DEK: variants seen among roughly 807,000 people sequenced by gnomAD.
The protein encoded by DEK is protein DEK.
A neutral mutation model predicts 46.8 loss-of-function variants in DEK; 28 were observed. The ratio of observed to expected loss-of-function variants is 0.60; its 90% CI spans 0.44 to 0.82. The LOEUF is 0.82. Ranked by LOEUF, DEK falls within the 40% of genes least tolerant of loss-of-function variation. The probability of loss-of-function intolerance (pLI) is 0.00; values close to 1 mark genes in which losing one functional copy is unlikely to be tolerated. For missense variants in DEK, 416 were observed against 430.6 expected, an observed-to-expected ratio of 0.97 and a Z score of 0.30; for synonymous variants, 160 against 144.5, an observed-to-expected ratio of 1.11 and a Z score of -0.77.
At chr6:18,240,060 A>G (rs1790836797) in intron 7 of DEK, among the ~76,000 whole-genome samples, 2 of 152,236 alleles carry the variant, frequency 1.3e-5, no homozygotes, top group African/African-American at 4.8e-5. Flanking sequence ...TCAGAATTAG[A>G]TAACTAAAAT....
At chr6:18,239,184 A>C (rs922529450) in intron 7 of DEK, among the ~76,000 whole-genome samples, 1 of 152,082 alleles carries the variant, frequency 6.6e-6, no homozygotes, top group African/African-American at 2.4e-5. Context: ...TTGGTCTCTC[A>C]AAGTGCTGGG....
chr6:18,256,476 T>C lies in DEK; in HGVS notation c.358-21A>G, dbSNP rs781513475. On this transcript the variant is annotated intron_variant, in intron 4 of 10. Transcript: ENST00000652689. Reference sequence around the variant, plus strand: ...GACACCTGAAAATGTTCCTTATTATTAATGGTATTTATTACCCAGTAATGT... The same window carrying C: ...GACACCTGAAAATGTTCCTTATTATCAATGGTATTTATTACCCAGTAATGT... 3.2e-6 allele frequency: 5 copies of C among 1,585,874 alleles called. No individual in the cohort carries two copies. In the South Asian group the frequency reaches 5.6e-5, roughly 18 times the overall value.
Position 18,236,538 on chromosome 6 carries a change from T to C in DEK, c.961A>G (p.Thr321Ala), listed in dbSNP as rs965864533. The change falls in exon 9 of 11, where the codon ACA (threonine) becomes GCA (alanine). Residue 321 changes from threonine (T) to alanine (A), a missense_variant. Coordinates refer to ENST00000652689, the MANE Select transcript of DEK (RefSeq NM_003472.4). ...ATTGTTTCCTTTAACTCTTCATCTG[T>C]AGGGGGTTTCTTCAACTTTTTAATT... is the stretch of plus-strand genomic sequence containing the variant. ...PLIKKLKKPP[T>A]DEELKETIKK... 3 of 1,592,046 alleles carry C rather than the reference T, an allele frequency of 1.9e-6. No individual in the cohort carries two copies. The highest frequency in any genetic ancestry group is 2.6e-6 in the Non-Finnish European group (3 of 1,173,564).
chr6:18,242,360 T>A (rs953308387), intron 7 of DEK, among the ~76,000 whole-genome samples: 4 of 152,168 alleles, frequency 2.6e-5, no homozygotes, highest in Non-Finnish European at 5.9e-5. Flanking sequence ...AGACTCTGTC[T>A]CAAAAAAGAA....
intron 9 of DEK, among the ~76,000 whole-genome samples, chr6:18,229,817 C>T (rs1356014808): frequency 1.3e-5 from 2 of 152,136 alleles, no homozygotes; most frequent in Admixed American, 1.3e-4. Flanking sequence ...GGATATTATC[C>T]AGGAGAACTT....
Position 18,258,056 on chromosome 6 carries a change from C to T in DEK, c.254G>A (p.Gly85Glu). 6.3e-7 allele frequency: 1 copy of T among 1,597,324 alleles called. No individual in the cohort carries two copies. The highest frequency in any genetic ancestry group is 8.5e-7 in the Non-Finnish European group (1 of 1,174,804). Residue 85 changes from glycine (G) to glutamate (E), a missense_variant, in exon 4 of 11, where the codon GGG becomes GAG. By Grantham distance (98) the Gly-to-Glu change is moderately conservative. Transcript: ENST00000652689. ...REPFTIAQGK[G>E]QKLCEIERIH... ...CCTCTCAATTTCACAAAGTTTCTGCCCCTTTCCTGGGGAAAAAAAAAAATC... is the reference window on the plus strand; with the variant it reads ...CCTCTCAATTTCACAAAGTTTCTGCTCCTTTCCTGGGGAAAAAAAAAAATC...
At chr6:18,259,591 C>T (rs1791765455) in intron 2 of DEK, among the ~76,000 whole-genome samples, 1 of 151,822 alleles carries the variant, frequency 6.6e-6, no homozygotes, top group South Asian at 2.1e-4. Flanking sequence ...TGCAGCTGCA[C>T]TCAATACTAA....
intron 9 of DEK, among the ~76,000 whole-genome samples, chr6:18,228,767 C>T (rs188979800): frequency 6.6e-5 from 10 of 152,220 alleles, no homozygotes; most frequent in African/African-American, 2.2e-4. Flanking sequence ...CACGGAGCCT[C>T]GCTCATTGCT....
rs1790116665 is a variant in DEK at position 18,226,154 on chromosome 6, TGAA to T, written c.1116+17_1116+19del. ...TGTCTTATATTTCTAAAGTCAAACTTGAAAGACTGAAATATTTACCTCTTTTAC... is the reference window on the plus strand; with the variant it reads ...TGTCTTATATTTCTAAAGTCAAACTTAGACTGAAATATTTACCTCTTTTAC... On this transcript the variant is annotated intron_variant, in intron 10 of 10. Coordinates refer to ENST00000652689, the MANE Select transcript of DEK (RefSeq NM_003472.4). 1 of 1,297,762 alleles carries T rather than the reference TGAA, an allele frequency of 7.7e-7. No individual in the cohort carries two copies. The highest frequency in any genetic ancestry group is 1.0e-6 in the Non-Finnish European group (1 of 977,398). 80.4% of individuals were successfully genotyped at this position (1,297,762 alleles called of 1,614,324 possible). A position where few individuals can be genotyped will look rare whatever the true frequency, so the allele number is the denominator to read the frequency against.
chr6:18,260,062 G>GTA (rs1449973648), intron 2 of DEK, among the ~76,000 whole-genome samples: 5 of 152,138 alleles, frequency 3.3e-5, no homozygotes, highest in Non-Finnish European at 7.3e-5. Context: ...TATTGCCTCA[G>GTA]TATCTGTGAG....
intron 10 of DEK, 82 bp downstream of exon 10, chr6:18,226,092 A>G: frequency 9.2e-7 from 1 of 1,089,618 alleles, no homozygotes; most frequent in East Asian, 3.2e-5. Flanking sequence ...TGACATGAAT[A>G]TTTTGAAAAA....
chr6:18,235,661 T>TG (rs1311392049), intron 9 of DEK, among the ~76,000 whole-genome samples: 2 of 152,210 alleles, frequency 1.3e-5, no homozygotes, highest in Admixed American at 6.5e-5. Flanking sequence ...TAAAAAAAAT[T>TG]TTTTTTTGGT....
At chr6:18,256,047 G>T (rs957469274) in intron 5 of DEK, among the ~76,000 whole-genome samples, 196 bp from the exon 6 acceptor site, 4 of 151,692 alleles carry the variant, frequency 2.6e-5, no homozygotes, top group African/African-American at 9.7e-5. Flanking sequence ...GAGTGCAATG[G>T]CCCAATCTTG....
chr6:18,263,836 C>T lies in DEK; in HGVS notation c.145+7G>A, dbSNP rs1388742398. 3.1e-6 allele frequency: 5 copies of T among 1,611,968 alleles called. No homozygotes were observed. In the African/African-American group the frequency reaches 6.7e-5, roughly 22 times the overall value. ...AAATTCATCAGTTGGGATGCGACTC[C>T]CCCCACCTTTTTCCTCCTCCTCCTC... On this transcript the variant is annotated splice_region_variant and intron_variant, in intron 2 of 10. Transcript: ENST00000652689.
intron 6 of DEK, among the ~76,000 whole-genome samples, chr6:18,255,308 T>C (rs778887040): frequency 3.9e-5 from 6 of 152,204 alleles, no homozygotes; most frequent in Non-Finnish European, 7.4e-5. Context: ...CACTTTTTAA[T>C]ACTTTATTCC....
chr6:18,233,045 C>T (rs1310843623), intron 9 of DEK, among the ~76,000 whole-genome samples: 1 of 152,190 alleles, frequency 6.6e-6, no homozygotes, highest in Non-Finnish European at 1.5e-5. Flanking sequence ...AATAATACCA[C>T]ATACATCTTC....
chr6:18,245,509 T>A (rs1476494423), intron 7 of DEK, among the ~76,000 whole-genome samples: 2 of 151,402 alleles, frequency 1.3e-5, no homozygotes, highest in African/African-American at 4.8e-5. Flanking sequence ...CACAGTTTGT[T>A]TCATACTTTC....
At chr6:18,226,834 T>G (rs1337103582) in intron 9 of DEK, among the ~76,000 whole-genome samples, 3 of 152,166 alleles carry the variant, frequency 2.0e-5, no homozygotes, top group Non-Finnish European at 2.9e-5. Flanking sequence ...CACAGGAGAC[T>G]CCATTTTGTT....
intron 7 of DEK, among the ~76,000 whole-genome samples, chr6:18,248,845 A>T (rs1438222131): frequency 6.6e-6 from 1 of 152,180 alleles, no homozygotes; most frequent in East Asian, 1.9e-4. Context: ...ACAATTAAGA[A>T]TCATCTGGTC....
Sources: allele counts gnomAD v4.1 joint callset (sites outside exome capture counted in the v4.1 genomes callset), GRCh38; gene constraint gnomAD v4.1.1; transcripts MANE v1.5; gene names NCBI Gene and HGNC (gene_info 2026-07-23, HGNC 2026-07-21).